Variants in ATP9B observed in about 807,000 individuals in gnomAD.
ATP9B encodes the protein ATPase phospholipid transporting 9B.
A neutral mutation model predicts 146.1 loss-of-function variants in ATP9B; 110 were observed. The observed-to-expected ratio is 0.75, with a 90% confidence interval of 0.65 to 0.88. ATP9B has a LOEUF of 0.88. ATP9B is among the 40% of genes least tolerant of loss of function. ATP9B has a pLI of 0.00. For missense variants in ATP9B, 1,499 were observed against 1,496.4 expected (o/e 1.00, Z -0.03); for synonymous variants, 604 against 569.7 (o/e 1.06, Z -0.86).
At chr18:79,272,369 G>C (rs2096264829) in intron 12 of ATP9B, among the ~76,000 whole-genome samples, 1 of 152,156 alleles carries the variant, frequency 6.6e-6, no homozygotes, top group South Asian at 2.1e-4. Context: ...TGCACCGTAT[G>C]CATGTATGTA....
chr18:79,345,921 C>T, intron 23 of ATP9B, 82 bp downstream of exon 23: 1 of 1,476,568 alleles, frequency 6.8e-7, no homozygotes, highest in Middle Eastern at 1.7e-4. Flanking sequence ...CCACTGTACA[C>T]TCAGCACCTA....
intron 13 of ATP9B, among the ~76,000 whole-genome samples, chr18:79,279,089 G>C (rs1264484963): frequency 6.6e-6 from 1 of 152,206 alleles, no homozygotes; most frequent in Non-Finnish European, 1.5e-5. Flanking sequence ...GGCACGGGAA[G>C]CCATCAGGCC....
intron 9 of ATP9B, among the ~76,000 whole-genome samples, chr18:79,193,991 T>C (rs2095394413): frequency 6.6e-6 from 1 of 152,186 alleles, no homozygotes; most frequent in Admixed American, 6.5e-5. Flanking sequence ...GTGCAGACTA[T>C]GGGAATGTGA....
intron 7 of ATP9B, among the ~76,000 whole-genome samples, chr18:79,168,533 A>C (rs987566863): frequency 3.3e-5 from 5 of 152,100 alleles, no homozygotes; most frequent in Non-Finnish European, 7.4e-5. Context: ...CTCACTTGGG[A>C]GACCTTGGGG....
chr18:79,292,482 G>A lies in ATP9B; in HGVS notation c.1412-11122G>A, dbSNP rs966146762. Among the ~76,000 whole-genome samples, 3 of 152,174 alleles carry A rather than the reference G, an allele frequency of 2.0e-5. No individual in the cohort carries two copies. The East Asian group carries it at 5.8e-4, about 29-fold the overall frequency. On this transcript the variant is annotated intron_variant, in intron 13 of 29. Coordinates refer to ENST00000426216, the MANE Select transcript of ATP9B (RefSeq NM_198531.5). ...ATCAAAAAATATTTCATTGTGTTAA[G>A]ACGGCAACAATTCTAGCTTCTTTTA...
At position 79,084,806 on chromosome 18, in the gene ATP9B, T is replaced by C. The variant is rs533862304; in HGVS notation, c.120-11670T>C. Among the ~76,000 whole-genome samples the C allele has an allele frequency of 5.8e-4, 88 of 152,298 alleles. 1 individual carries two copies. Among genetic ancestry groups the C allele is most frequent in the Admixed American group, 1.2e-3 (18 of 15,306 alleles). Reference sequence around the variant, plus strand: ...TTGAAGTGGAATTATTTTTATTTCATTATAATCATACTACTTTAGGACACA... The same window carrying C: ...TTGAAGTGGAATTATTTTTATTTCACTATAATCATACTACTTTAGGACACA... On this transcript the variant is annotated intron_variant, in intron 1 of 29. Coordinates refer to ENST00000426216, the MANE Select transcript of ATP9B (RefSeq NM_198531.5).
chr18:79,114,708 TGAAA>T lies in ATP9B; in HGVS notation c.558+1357_558+1360del, dbSNP rs2094035064. Among the ~76,000 whole-genome samples the T allele has an allele frequency of 2.0e-5, 3 of 152,278 alleles. No individual in the cohort carries two copies. The South Asian group carries it at 6.2e-4, about 32-fold the overall frequency. On this transcript the variant is annotated intron_variant, in intron 4 of 29. Coordinates refer to ENST00000426216, the MANE Select transcript of ATP9B (RefSeq NM_198531.5). The stretch of plus-strand genomic sequence containing the variant: ...TTTTAACTTATTAAATTAGTAAGAT[TGAAA>T]GAGACATTGGAGCTGAGCATGGGTA...
intron 7 of ATP9B, among the ~76,000 whole-genome samples, chr18:79,167,410 A>G (rs1162344539): frequency 6.6e-6 from 1 of 152,102 alleles, no homozygotes; most frequent in Non-Finnish European, 1.5e-5. Context: ...TGCAGCTCTC[A>G]GTGGAGAGGA....
At chr18:79,193,290 A>G (rs1372746626) in intron 9 of ATP9B, 27 bp downstream of exon 9, 1 of 1,527,664 alleles carries the variant, frequency 6.5e-7, no homozygotes, top group Non-Finnish European at 9.1e-7. Context: ...GTTCAATACA[A>G]ATAGAGTTAT....
intron 12 of ATP9B, among the ~76,000 whole-genome samples, chr18:79,272,379 A>G (rs1568546090): frequency 6.6e-6 from 1 of 152,208 alleles, no homozygotes; most frequent in Non-Finnish European, 1.5e-5. Flanking sequence ...GCATGTATGT[A>G]TGATGTGCCT....
chr18:79,377,482 G>A lies in ATP9B; in HGVS notation c.*99G>A. 1 of 1,449,756 alleles carries A rather than the reference G, an allele frequency of 6.9e-7. No homozygotes were observed. Among genetic ancestry groups the A allele is most frequent in the Non-Finnish European group, 9.3e-7 (1 of 1,072,848 alleles). 89.8% of individuals were successfully genotyped at this position (1,449,756 alleles called of 1,614,324 possible). A position where few individuals can be genotyped will look rare whatever the true frequency, so the allele number is the denominator to read the frequency against. ...ACGCAGGGTTTGCCATTGCTACCAA[G>A]CAAGCACCACAAGAAAGGGAGGGTA... On this transcript the variant is annotated 3_prime_UTR_variant, in exon 30 of 30. Transcript: ENST00000426216.
rs1157615422 is a variant in ATP9B, at chr18:79,345,837, A to G, written c.2680A>G (p.Lys894Glu). The G allele has an allele frequency of 1.2e-6, 2 of 1,614,222 alleles. No homozygotes were observed. ...AADCGIGIEG[K>E]EGKQASLAAD... is the part of the protein sequence containing the mutation. ...AGACTGTGGGATTGGGATTGAGGGA[A>G]AGGTAGGTTCGCCCTTTTATCAACA... The change falls in exon 23 of 30, where the codon AAG (lysine) becomes GAG (glutamate). Residue 894 changes from lysine (K) to glutamate (E), a missense_variant and splice_region_variant. By Grantham distance (56) the Lys-to-Glu change is moderately conservative. Transcript: ENST00000426216.
At chr18:79,137,632 C>G (rs542248559) in intron 5 of ATP9B, among the ~76,000 whole-genome samples, 6 of 152,184 alleles carry the variant, frequency 3.9e-5, no homozygotes, top group African/African-American at 9.7e-5. Flanking sequence ...TTTCTGGACA[C>G]TCAGTTTTTC....
chr18:79,369,039 C>T (rs1269963374), intron 26 of ATP9B, among the ~76,000 whole-genome samples: 1 of 152,058 alleles, frequency 6.6e-6, no homozygotes, highest in Non-Finnish European at 1.5e-5. Context: ...CACTTTTTCT[C>T]CTCTTGCATC....
intron 29 of ATP9B, chr18:79,376,212 C>CACACACACACACACACAAA (rs2097101830): frequency 1.2e-6 from 1 of 830,286 alleles, no homozygotes; most frequent in African/African-American, 2.8e-5. Context: ...CACACACACA[C>CACACACACACACACACAAA]ACAAAACAAA....
intron 12 of ATP9B, among the ~76,000 whole-genome samples, chr18:79,263,360 C>T (rs1366481537): frequency 1.3e-5 from 2 of 152,170 alleles, no homozygotes; most frequent in Admixed American, 1.3e-4. Context: ...GCGGGGTTCG[C>T]CTCCCAGGAA....
rs760709646 is a variant in ATP9B, at chr18:79,330,022, C to T, written c.1946C>T (p.Thr649Met). 31 of 1,613,788 alleles carry T rather than the reference C, an allele frequency of 1.9e-5. No individual in the cohort carries two copies. Among genetic ancestry groups the T allele is most frequent in the East Asian group, 2.2e-5 (1 of 44,892 alleles). Reference protein sequence around the residue: ...RMGVIVRDESTAEITFYMKGA... With the variant: ...RMGVIVRDESMAEITFYMKGA... ...TTTGTTCTTTGATAGGATGAATCCA[C>T]GGCAGAAATCACATTCTACATGAAG... Residue 649 changes from threonine to methionine, a missense_variant, in exon 17 of 30, where the codon ACG becomes ATG. Transcript: ENST00000426216.
intron 15 of ATP9B, among the ~76,000 whole-genome samples, chr18:79,326,386 T>G (rs2096745567): frequency 2.4e-5 from 3 of 125,420 alleles, no homozygotes; most frequent in African/African-American, 3.1e-5. Context: ...CTCCCTCCCC[T>G]CACATGGTGT....
chr18:79,078,562 ACT>A (rs1302167907), intron 1 of ATP9B, among the ~76,000 whole-genome samples: 2 of 144,412 alleles, frequency 1.4e-5, no homozygotes, highest in African/African-American at 2.6e-5. Flanking sequence ...CTTTTTATTT[ACT>A]CTTTTTTATT....
Sources: allele counts gnomAD v4.1 joint callset (sites outside exome capture counted in the v4.1 genomes callset), GRCh38; gene constraint gnomAD v4.1.1; transcripts MANE v1.5; gene names NCBI Gene and HGNC (gene_info 2026-07-23, HGNC 2026-07-21).